Variants in CTBP2 observed in about 807,000 individuals in gnomAD.
CTBP2 encodes C-terminal binding protein 2, also known as C-terminal-binding protein 2.
CTBP2 carries 30 observed loss-of-function variants against 80.3 expected under a neutral mutation model. That is an observed-to-expected ratio of 0.37 (90% CI 0.28 to 0.51). The LOEUF is 0.51. CTBP2 is among the 20% of genes least tolerant of loss of function. CTBP2 has a pLI of 0.93. For synonymous variants in CTBP2, 594 were observed against 587.4 expected, an observed-to-expected ratio of 1.01 and a Z score of -0.16; for missense variants, 1,212 against 1,375.3, an observed-to-expected ratio of 0.88 and a Z score of 1.88.
chr10:125,031,538 C>A (rs1174522642), upstream of CTBP2, among the ~76,000 whole-genome samples: 2 of 146,134 alleles, frequency 1.4e-5, no homozygotes, highest in East Asian at 4.0e-4. Flanking sequence ...CAACCCCCTA[C>A]CCCCTGCCCC....
At position 124,987,121 on chromosome 10, in the gene CTBP2, CCAAA is replaced by C. The variant is rs1952068009; in HGVS notation, c.*2393_*2396del. 1 of 152,416 alleles carries C rather than the reference CCAAA, an allele frequency of 6.6e-6. No individual in the cohort carries two copies. 9.4% of individuals were successfully genotyped at this position (152,416 alleles called of 1,614,324 possible). Reference sequence around the variant, plus strand: ...GTTTTCATAGACTGGCTGTTAAAGGCCAAAAATTTTGGTAAATCAATGCTATATT... The same window carrying C: ...GTTTTCATAGACTGGCTGTTAAAGGCAATTTTGGTAAATCAATGCTATATT... On this transcript the variant is annotated 3_prime_UTR_variant, in exon 9 of 9. Transcript: ENST00000309035.
chr10:125,096,986 T>C (rs2135751136), intron 2 of CTBP2, among the ~76,000 whole-genome samples: 1 of 152,352 alleles, frequency 6.6e-6, no homozygotes, highest in South Asian at 2.1e-4. Flanking sequence ...TACATTTCTA[T>C]CTCTTCTCAT....
intron 2 of CTBP2, among the ~76,000 whole-genome samples, chr10:125,092,803 GAGC>G (rs1363371437): frequency 6.6e-6 from 1 of 151,932 alleles, no homozygotes; most frequent in African/African-American, 2.4e-5. Context: ...TTACGTTTAG[GAGC>G]AACGACTTCT....
intron 2 of CTBP2, among the ~76,000 whole-genome samples, chr10:125,039,622 A>T (rs1208167299): frequency 6.6e-6 from 1 of 152,218 alleles, no homozygotes; most frequent in East Asian, 1.9e-4. Flanking sequence ...AATGCTTTCC[A>T]AAACAGCCGC....
chr10:125,126,930 C>CAT (rs879334315), intron 1 of CTBP2, among the ~76,000 whole-genome samples: 500 of 151,818 alleles, frequency 3.3e-3, no homozygotes, highest in African/African-American at 0.01. Flanking sequence ...CACATTCTCT[C>CAT]TCTCTCTCTC....
intron 2 of CTBP2, among the ~76,000 whole-genome samples, chr10:125,052,790 T>C (rs1963077664): frequency 6.6e-6 from 1 of 152,114 alleles, no homozygotes; most frequent in Admixed American, 6.5e-5. Context: ...CCCAACACAT[T>C]CCCATGGGAG....
Position 125,026,899 on chromosome 10 carries a change from C to T in CTBP2, c.861G>A (p.Arg287=), listed in dbSNP as rs45440394. 0.014 allele frequency: 22,935 copies of T among 1,614,024 alleles called. 222 individuals carry two copies. The highest frequency in any genetic ancestry group is 0.018 in the Non-Finnish European group (20,852 of 1,180,026). The change falls in exon 1 of 9, where the codon AGG becomes AGA. Residue 287 remains arginine (R), a synonymous_variant. Transcript: ENST00000309035. ...AGGCCAGGAACTCAGGGAGCACGGTCCTCTTGCCACCAGGACCCTGGAAGG... is the reference window on the plus strand; with the variant it reads ...AGGCCAGGAACTCAGGGAGCACGGTTCTCTTGCCACCAGGACCCTGGAAGG...
At position 124,992,799 on chromosome 10, in the gene CTBP2, T is replaced by G. The variant is rs753283053; in HGVS notation, c.2673A>C (p.Glu891Asp). Residue 891 changes from glutamate to aspartate, a missense_variant, in exon 8 of 9, where the codon GAA (glutamate) becomes GAC (aspartate). Transcript: ENST00000309035. ...CCTTGTTCACACAATTTCTTAAGCT[T>G]TCTGGGATGCGACCTAGGGTAAGAT... 4 of 1,611,590 alleles carry G rather than the reference T, an allele frequency of 2.5e-6. No homozygotes were observed. In the South Asian group the frequency reaches 4.4e-5, roughly 18 times the overall value.
At chr10:125,069,171 T>C (rs1298956062) in intron 2 of CTBP2, among the ~76,000 whole-genome samples, 3 of 152,146 alleles carry the variant, frequency 2.0e-5, no homozygotes, top group East Asian at 1.9e-4. Flanking sequence ...CCTCCCCTAA[T>C]AGCTGCCTGC....
chr10:125,146,307 G>T (rs555047683), intron 1 of CTBP2, among the ~76,000 whole-genome samples: 2 of 142,604 alleles, frequency 1.4e-5, no homozygotes, highest in Non-Finnish European at 3.0e-5. Flanking sequence ...TGGAGACAGC[G>T]TCTTGCTCTG....
At chr10:125,028,631 C>T (rs573789609), upstream of CTBP2, among the ~76,000 whole-genome samples, 3 of 152,320 alleles carry the variant, frequency 2.0e-5, no homozygotes, top group Non-Finnish European at 2.9e-5. Context: ...CTCATGCTGC[C>T]GGGGGGCCGG....
intron 8 of CTBP2, 41 bp downstream of exon 10, chr10:124,992,654 T>C: frequency 1.4e-6 from 2 of 1,481,012 alleles, no homozygotes; most frequent in Non-Finnish European, 1.8e-6. Context: ...CCCGGGGCCG[T>C]GGTGCTCACA....
At chr10:125,032,737 T>C (rs1191030288), upstream of CTBP2, 1 of 154,746 alleles carries the variant, frequency 6.5e-6, no homozygotes, top group Non-Finnish European at 1.5e-5. Context: ...TATGACTCAA[T>C]GGTGATGGAC....
At chr10:125,161,491 G>T (rs974280292), upstream of CTBP2, among the ~76,000 whole-genome samples, 45 of 152,030 alleles carry the variant, frequency 3.0e-4, 1 homozygote, top group Non-Finnish European at 6.0e-4. Context: ...CGGCCCCCGG[G>T]CTCCAACTTC....
intron 2 of CTBP2, among the ~76,000 whole-genome samples, chr10:125,059,592 C>T (rs115320549): frequency 7.7e-4 from 117 of 152,236 alleles, no homozygotes; most frequent in African/African-American, 2.6e-3. Context: ...TACTCCAGAC[C>T]CAAGGCTTGT....
chr10:125,039,495 C>T (rs1193947526), intron 2 of CTBP2, among the ~76,000 whole-genome samples: 1 of 152,234 alleles, frequency 6.6e-6, no homozygotes, highest in African/African-American at 2.4e-5. Context: ...ATTCCAGTGG[C>T]AGAGACCAAG....
At chr10:125,108,478 T>G (rs1023676344) in intron 2 of CTBP2, among the ~76,000 whole-genome samples, 8 of 152,332 alleles carry the variant, frequency 5.3e-5, no homozygotes, top group Admixed American at 3.9e-4. Flanking sequence ...TCTCAACAGG[T>G]GGGCTCTGGT....
intron 1 of CTBP2, among the ~76,000 whole-genome samples, chr10:125,153,475 T>C (rs1402254356): frequency 6.6e-6 from 1 of 152,202 alleles, no homozygotes; most frequent in East Asian, 1.9e-4. Flanking sequence ...AACTCACAGC[T>C]AGAGCTCATT....
chr10:124,999,446 G>A (rs2134212965), intron 3 of CTBP2: 1 of 152,438 alleles, frequency 6.6e-6, no homozygotes, highest in South Asian at 2.1e-4. Flanking sequence ...CAGGAAACAA[G>A]ACCAGTGGGT....
Sources: gnomAD v4.1 joint callset for allele counts (sites outside exome capture counted in the v4.1 genomes callset) on GRCh38, gnomAD v4.1.1 for gene constraint, MANE v1.5 for transcripts, NCBI Gene and HGNC (gene_info 2026-07-23, HGNC 2026-07-21) for gene names.